MYO10: variants seen among roughly 807,000 people sequenced by gnomAD.
MYO10 encodes the protein myosin X.
In MYO10, 133 loss-of-function variants were observed where a neutral mutation model predicts 257.3. That is an observed-to-expected ratio of 0.52 (90% CI 0.45 to 0.60). The LOEUF is 0.60. Among genes scored for constraint, MYO10 ranks in the 20% least tolerant of loss-of-function variants. The pLI, the probability that MYO10 is intolerant of heterozygous loss-of-function variation, is 0.00. For synonymous variants in MYO10, 1,104 were observed against 1,028.6 expected, an observed-to-expected ratio of 1.07 and a Z score of -1.40; for missense variants, 2,399 against 2,635.7, an observed-to-expected ratio of 0.91 and a Z score of 1.97.
At chr5:16,891,320 AAAGGAAGGAAGGAAGGAAGG>A (rs59008302) in intron 1 of MYO10, among the ~76,000 whole-genome samples, 3,094 of 88,028 alleles carry the variant, frequency 0.035, 166 homozygotes, top group African/African-American at 0.097. Context: ...GGAGAAGAGA[AAAGGAAGGAAGGAAGGAAGG>A]AAGGAAGGAA....
At position 16,880,391 on chromosome 5, in the gene MYO10, A is replaced by AGGG. The variant is rs1561035209; in HGVS notation, c.22-2685_22-2684insCCC. Among the ~76,000 whole-genome samples, 637 of 151,968 alleles carry AGGG rather than the reference A, an allele frequency of 4.2e-3. 11 individuals are homozygous for AGGG. The highest frequency in any genetic ancestry group is 0.015 in the African/African-American group (610 of 41,358). On this transcript the variant is annotated intron_variant, in intron 1 of 40. Transcript: ENST00000513610. The stretch of plus-strand genomic sequence containing the variant: ...GAACAGACTCCTTTCCCCACTGACC[A>AGGG]ACTCACAGAGTTCCCCGGAGAGTTA...
intron 2 of MYO10, among the ~76,000 whole-genome samples, chr5:16,825,581 C>CT (rs1198166295): frequency 2.6e-5 from 4 of 152,166 alleles, no homozygotes; most frequent in African/African-American, 9.6e-5. Flanking sequence ...TTTCACTACT[C>CT]TGAGGCAGGA....
intron 12 of MYO10, among the ~76,000 whole-genome samples, chr5:16,764,016 C>T (rs939402526): frequency 6.6e-5 from 10 of 151,956 alleles, no homozygotes; most frequent in African/African-American, 2.4e-4. Flanking sequence ...GCTGTGGTGG[C>T]AGGCACCTGT....
At chr5:16,865,228 TCTTTCC>T (rs565556954) in intron 2 of MYO10, among the ~76,000 whole-genome samples, 1 of 152,210 alleles carries the variant, frequency 6.6e-6, no homozygotes, top group South Asian at 2.1e-4. Context: ...AGCACAGTCC[TCTTTCC>T]CTTTACTTTT....
chr5:16,742,325 C>A (rs1318968215), intron 19 of MYO10: 6 of 819,188 alleles, frequency 7.3e-6, no homozygotes. Context: ...GAAGTGACCA[C>A]TGAGGGCTTT....
At chr5:16,762,202 A>T (rs1444144875) in intron 15 of MYO10, 89 bp from the exon 16 acceptor site, 1 of 1,397,034 alleles carries the variant, frequency 7.2e-7, no homozygotes, top group East Asian at 2.5e-5. Context: ...ACTAAATACA[A>T]AAGACAGTGA....
intron 2 of MYO10, among the ~76,000 whole-genome samples, chr5:16,861,843 C>A (rs1019479115): frequency 6.6e-6 from 1 of 152,096 alleles, no homozygotes; most frequent in Non-Finnish European, 1.5e-5. Flanking sequence ...ACTATCACTC[C>A]CCACTAGCCA....
chr5:16,666,713 G>T lies in MYO10; in HGVS notation c.6156C>A (p.Ser2052Arg). ...KKRYSTTRSA[S>R]SQGSSR ...GCCTTCACCTGGAGCTGCCCTGGCT[G>T]CTGGCGGAGCGTGTCGTGCTGTAGC... The change falls in exon 41 of 41, where the codon AGC becomes AGA. Residue 2052 changes from serine to arginine, a missense_variant. By Grantham distance (110) the Ser-to-Arg change is moderately radical. Transcript: ENST00000513610. 6.2e-7 allele frequency: 1 copy of T among 1,605,102 alleles called. No homozygotes were observed. The highest frequency in any genetic ancestry group is 8.5e-7 in the Non-Finnish European group (1 of 1,177,364).
chr5:16,870,563 C>G (rs779747371), intron 2 of MYO10, among the ~76,000 whole-genome samples: 1 of 151,456 alleles, frequency 6.6e-6, no homozygotes, highest in Admixed American at 6.6e-5. Context: ...GTTTTGTAAA[C>G]TCTTTGTGGA....
intron 17 of MYO10, among the ~76,000 whole-genome samples, chr5:16,759,954 C>A (rs760297832): frequency 1.3e-5 from 2 of 152,182 alleles, no homozygotes; most frequent in East Asian, 3.9e-4. Flanking sequence ...TGTCCCAATT[C>A]ATTCCTATCT....
chr5:16,729,665 C>T lies in MYO10; in HGVS notation c.1930-18420G>A, dbSNP rs185480241. Among the ~76,000 whole-genome samples, 53 of 152,206 alleles carry T rather than the reference C, an allele frequency of 3.5e-4. 1 individual carries two copies. The East Asian group carries it at 4.1e-3, about 12-fold the overall frequency. On this transcript the variant is annotated intron_variant, in intron 19 of 40. Coordinates refer to ENST00000513610, the MANE Select transcript of MYO10 (RefSeq NM_012334.3). ...TTCACCGTGTTAGCCAGAATGGTCT[C>T]GATCTCCTGACCTTGTGATCCACCC...
At chr5:16,889,538 G>A (rs1235775673) in intron 1 of MYO10, among the ~76,000 whole-genome samples, 5 of 136,400 alleles carry the variant, frequency 3.7e-5, no homozygotes, top group African/African-American at 5.5e-5. Context: ...AAGGAAGGGC[G>A]GACGAAAGGA....
intron 2 of MYO10, among the ~76,000 whole-genome samples, chr5:16,844,963 C>T (rs1036510364): frequency 6.1e-5 from 9 of 147,526 alleles, no homozygotes; most frequent in Non-Finnish European, 1.3e-4. Context: ...CGCACACACA[C>T]ACACACACAC....
intron 22 of MYO10, among the ~76,000 whole-genome samples, 157 bp downstream of exon 22, chr5:16,704,422 A>C (rs1445744279): frequency 6.6e-6 from 1 of 152,138 alleles, no homozygotes; most frequent in Non-Finnish European, 1.5e-5. Flanking sequence ...CCTGCTGCCC[A>C]GTCAGGCTAG....
rs142798515 is a variant in MYO10, at chr5:16,730,850, G to A, written c.1930-19605C>T. ...GAAAGACAGGGATGCAGCACGCTGC[G>A]GAGGATGGAAGGTGGGGTGGCTGAT... On this transcript the variant is annotated intron_variant, in intron 19 of 40. Coordinates refer to ENST00000513610, the MANE Select transcript of MYO10 (RefSeq NM_012334.3). Among the ~76,000 whole-genome samples the A allele has an allele frequency of 4.4e-4, 67 of 152,220 alleles. 1 individual carries two copies. The highest frequency in any genetic ancestry group is 3.1e-3 in the Admixed American group (47 of 15,290).
chr5:16,771,489 A>G (rs250344), intron 9 of MYO10, among the ~76,000 whole-genome samples: 148,604 of 150,062 alleles, frequency 0.99, 73,579 homozygotes, highest in Middle Eastern at 1. Flanking sequence ...TCAGGGTCGC[A>G]CAACCAAAAT....
At chr5:16,905,953 GA>G (rs1323819976) in intron 1 of MYO10, among the ~76,000 whole-genome samples, 1 of 151,700 alleles carries the variant, frequency 6.6e-6, no homozygotes, top group African/African-American at 2.4e-5. Flanking sequence ...ATGGCAAGTT[GA>G]AAAAAAGAAA....
At chr5:16,794,145 T>A (rs929243607) in intron 4 of MYO10, among the ~76,000 whole-genome samples, 6 of 152,024 alleles carry the variant, frequency 3.9e-5, no homozygotes, top group African/African-American at 1.4e-4. Flanking sequence ...CTAATTAACT[T>A]TAAGAGCACC....
intron 40 of MYO10, among the ~76,000 whole-genome samples, chr5:16,668,019 T>C (rs894715196): frequency 1.3e-5 from 2 of 152,158 alleles, no homozygotes; most frequent in African/African-American, 4.8e-5. Flanking sequence ...TTTCTCTGCC[T>C]TTCCTCCAAG....
Sources: gnomAD v4.1 joint callset for allele counts (sites outside exome capture counted in the v4.1 genomes callset) on GRCh38, gnomAD v4.1.1 for gene constraint, MANE v1.5 for transcripts, NCBI Gene and HGNC (gene_info 2026-07-23, HGNC 2026-07-21) for gene names.